THSD7B: variants seen among roughly 807,000 people sequenced by gnomAD.
THSD7B encodes the protein thrombospondin type 1 domain containing 7B, also known as thrombospondin type-1 domain-containing protein 7B.
Under a neutral mutation model 213.6 loss-of-function variants are expected in THSD7B, and 138 were observed. The observed-to-expected ratio is 0.65, with a 90% CI of 0.56 to 0.74. The LOEUF (loss-of-function observed/expected upper bound fraction) is 0.74, where lower values mean the gene tolerates loss of function less well. Ranked by LOEUF, THSD7B falls within the 30% of genes least tolerant of loss-of-function variation. THSD7B has a pLI of 0.00. For missense variants in THSD7B, 1,931 were observed against 1,991.5 expected, an observed-to-expected ratio of 0.97 and a Z score of 0.58; for synonymous variants, 742 against 687.0, an observed-to-expected ratio of 1.08 and a Z score of -1.25.
chr2:136,784,214 C>G (rs1681796926), intron 1 of THSD7B, among the ~76,000 whole-genome samples: 1 of 152,170 alleles, frequency 6.6e-6, no homozygotes, highest in South Asian at 2.1e-4. Flanking sequence ...AATTATATTT[C>G]TAGCTGAATA....
intron 1 of THSD7B, among the ~76,000 whole-genome samples, chr2:136,821,050 G>C (rs568707950): frequency 6.6e-6 from 1 of 152,228 alleles, no homozygotes; most frequent in East Asian, 1.9e-4. Flanking sequence ...ACTAATATTT[G>C]GACTTTTTTG....
intron 17 of THSD7B, among the ~76,000 whole-genome samples, chr2:137,579,897 T>G (rs940112412): frequency 1.3e-5 from 2 of 152,194 alleles, no homozygotes; most frequent in African/African-American, 4.8e-5. Context: ...TAATATCATT[T>G]TAGTGGTATT....
intron 1 of THSD7B, among the ~76,000 whole-genome samples, chr2:136,787,555 C>T (rs149582866): frequency 1.6e-4 from 25 of 152,188 alleles, no homozygotes; most frequent in African/African-American, 5.5e-4. Context: ...GAACCAACTT[C>T]CCTGGTCTTT....
intron 4 of THSD7B, among the ~76,000 whole-genome samples, chr2:137,100,154 A>G (rs7593964): frequency 0.049 from 7,486 of 152,046 alleles, 420 homozygotes; most frequent in African/African-American, 0.14. Flanking sequence ...GAATTTTTAG[A>G]TAAATATTGA....
At position 137,676,521 on chromosome 2, in the gene THSD7B, C is replaced by G; in HGVS notation, c.4740-3C>G. 2 of 1,587,164 alleles carry G rather than the reference C, an allele frequency of 1.3e-6. No individual in the cohort carries two copies. Among genetic ancestry groups the G allele is most frequent in the Non-Finnish European group, 1.7e-6 (2 of 1,168,048 alleles). ...GATCTGAGGAATTTTTTTCCCTTTG[C>G]AGCAAGAAGCCAAAACCACATCAAA... is the stretch of plus-strand genomic sequence containing the variant. On this transcript the variant is annotated splice_region_variant and splice_polypyrimidine_tract_variant and intron_variant, in intron 27 of 27. Coordinates refer to ENST00000409968, the MANE Select transcript of THSD7B (RefSeq NM_001316349.2).
At chr2:137,097,556 A>G (rs916882047) in intron 4 of THSD7B, among the ~76,000 whole-genome samples, 6 of 152,152 alleles carry the variant, frequency 3.9e-5, no homozygotes, top group Admixed American at 1.3e-4. Context: ...GCACTAAGAT[A>G]AGGGTATACC....
intron 7 of THSD7B, among the ~76,000 whole-genome samples, chr2:137,199,671 T>A (rs1350069465): frequency 6.6e-6 from 1 of 152,164 alleles, no homozygotes; most frequent in African/African-American, 2.4e-5. Flanking sequence ...ACTAAAACAC[T>A]CTTGATAAAA....
At chr2:137,085,970 ATGTC>A (rs1352983593) in intron 3 of THSD7B, among the ~76,000 whole-genome samples, 1 of 152,242 alleles carries the variant, frequency 6.6e-6, no homozygotes, top group Non-Finnish European at 1.5e-5. Flanking sequence ...ATGTTTCTGT[ATGTC>A]TGTTGTCAAC....
intron 20 of THSD7B, among the ~76,000 whole-genome samples, chr2:137,627,736 T>G (rs927219705): frequency 6.6e-6 from 1 of 152,096 alleles, no homozygotes; most frequent in Non-Finnish European, 1.5e-5. Flanking sequence ...GACAACTACT[T>G]CCACAAAGAA....
intron 13 of THSD7B, among the ~76,000 whole-genome samples, chr2:137,411,272 G>C (rs79953203): frequency 6.6e-6 from 1 of 152,276 alleles, no homozygotes; most frequent in African/African-American, 2.4e-5. Context: ...AGGAGAATGG[G>C]GACAGGGTTA....
chr2:136,876,361 G>GT (rs1163010303), intron 1 of THSD7B, among the ~76,000 whole-genome samples: 1 of 151,996 alleles, frequency 6.6e-6, no homozygotes, highest in East Asian at 1.9e-4. Flanking sequence ...CAATATTTAG[G>GT]TTTATTTCAA....
At chr2:137,193,145 G>T (rs559910804) in intron 7 of THSD7B, among the ~76,000 whole-genome samples, 1 of 152,048 alleles carries the variant, frequency 6.6e-6, no homozygotes, top group Non-Finnish European at 1.5e-5. Context: ...CCTCTCCACC[G>T]TCCAGTAACC....
At chr2:136,937,020 T>C (rs1684746036) in intron 2 of THSD7B, among the ~76,000 whole-genome samples, 1 of 151,998 alleles carries the variant, frequency 6.6e-6, no homozygotes, top group African/African-American at 2.4e-5. Context: ...AGCACAATGG[T>C]TTTTGTAAAA....
chr2:137,662,219 C>A lies in THSD7B; in HGVS notation c.4459-1164C>A, dbSNP rs555434427. Reference sequence around the variant, plus strand: ...CTAGGACTACAGATGCCCGCCACGACGCCCGGCTAATTTTTTTTTTTTCTT... The same window carrying A: ...CTAGGACTACAGATGCCCGCCACGAAGCCCGGCTAATTTTTTTTTTTTCTT... On this transcript the variant is annotated intron_variant, in intron 25 of 27. Transcript: ENST00000409968. Among the ~76,000 whole-genome samples the A allele has an allele frequency of 2.7e-5, 4 of 147,726 alleles. No individual in the cohort carries two copies. In the East Asian group the frequency reaches 5.9e-4, roughly 22 times the overall value.
intron 4 of THSD7B, among the ~76,000 whole-genome samples, chr2:137,102,338 TC>T (rs1688167456): frequency 6.6e-6 from 1 of 151,410 alleles, no homozygotes; most frequent in South Asian, 2.1e-4. Context: ...AGGAATAGCA[TC>T]AACATCAACA....
intron 2 of THSD7B, among the ~76,000 whole-genome samples, chr2:136,974,598 AT>A (rs1685450956): frequency 6.6e-6 from 1 of 152,144 alleles, no homozygotes; most frequent in South Asian, 2.1e-4. Flanking sequence ...CCAGACTATC[AT>A]TCGTGGGCAT....
At position 137,631,943 on chromosome 2, in the gene THSD7B, A is replaced by G. The variant is rs562022515; in HGVS notation, c.3800-10545A>G. ...TTAATACCTGTTGGTCAAGGGTATA[A>G]TTACTGATGCTAGGAGTATGTTAGT... On this transcript the variant is annotated intron_variant, in intron 20 of 27. Transcript: ENST00000409968. Among the ~76,000 whole-genome samples, 229 of 152,272 alleles carry G rather than the reference A, an allele frequency of 1.5e-3. 1 individual carries two copies. The highest frequency in any genetic ancestry group is 5.1e-3 in the African/African-American group (210 of 41,544).
chr2:137,567,117 G>C (rs747347759), intron 16 of THSD7B, among the ~76,000 whole-genome samples: 23 of 150,696 alleles, frequency 1.5e-4, no homozygotes, highest in Non-Finnish European at 2.7e-4. Context: ...GGTTTGATGT[G>C]GGGGAGTGAC....
At chr2:137,635,701 T>C (rs922799829) in intron 20 of THSD7B, among the ~76,000 whole-genome samples, 2 of 152,058 alleles carry the variant, frequency 1.3e-5, no homozygotes, top group African/African-American at 2.4e-5. Flanking sequence ...GTTACCATAT[T>C]TAAAATATTC....
Sources: allele counts gnomAD v4.1 joint callset (sites outside exome capture counted in the v4.1 genomes callset), GRCh38; gene constraint gnomAD v4.1.1; transcripts MANE v1.5; gene names NCBI Gene and HGNC (gene_info 2026-07-23, HGNC 2026-07-21).